Variants in IMPG1 observed in about 807,000 individuals in gnomAD.
IMPG1 encodes the protein interphotoreceptor matrix proteoglycan 1, also known as interphotoreceptor matrix proteoglycan of 150 kDa.
Under a neutral mutation model 92.0 loss-of-function variants are expected in IMPG1, and 85 were observed. The ratio of observed to expected loss-of-function variants is 0.92; its 90% CI spans 0.78 to 1.11. The LOEUF is 1.11. IMPG1 is among the 50% of genes least tolerant of loss of function. The pLI is 0.00. For synonymous variants in IMPG1, 367 were observed against 334.1 expected, an observed-to-expected ratio of 1.10 and a Z score of -1.08; for missense variants, 1,022 against 956.0, an observed-to-expected ratio of 1.07 and a Z score of -0.91.
intron 12 of IMPG1, among the ~76,000 whole-genome samples, chr6:75,992,094 C>T (rs1461248613): frequency 6.6e-6 from 1 of 152,186 alleles, no homozygotes; most frequent in East Asian, 1.9e-4. Flanking sequence ...TAGCTAAAGG[C>T]CTCAATAGGA....
At chr6:75,923,755 C>G (rs1781471942) in intron 15 of IMPG1, 49 bp from the exon 16 acceptor site, 1 of 1,028,590 alleles carries the variant, frequency 9.7e-7, no homozygotes, top group African/African-American at 1.6e-5. Flanking sequence ...GGCTTATCAA[C>G]ATTAATAGTA....
At chr6:75,999,349 A>G (rs1026345709) in intron 12 of IMPG1, among the ~76,000 whole-genome samples, 1 of 152,214 alleles carries the variant, frequency 6.6e-6, no homozygotes, top group Non-Finnish European at 1.5e-5. Context: ...TGAAGCTGAA[A>G]GATTTCTTTG....
rs545166906 is a variant in IMPG1 at position 76,048,003 on chromosome 6, A to G, written c.68-5877T>C. ...TTTAGTACAATCTGCATTCCCAGACACTTTCAATCTTTCCATAAGTAAATA... is the reference window on the plus strand; with the variant it reads ...TTTAGTACAATCTGCATTCCCAGACGCTTTCAATCTTTCCATAAGTAAATA... On this transcript the variant is annotated intron_variant, in intron 1 of 16. Coordinates refer to ENST00000369950, the MANE Select transcript of IMPG1 (RefSeq NM_001563.4). Among the ~76,000 whole-genome samples, 76 of 152,318 alleles carry G rather than the reference A, an allele frequency of 5.0e-4. 1 individual carries two copies. Among genetic ancestry groups the G allele is most frequent in the Non-Finnish European group, 6.6e-4 (45 of 68,028 alleles).
At chr6:75,939,365 A>G (rs1446900184) in intron 14 of IMPG1, among the ~76,000 whole-genome samples, 2 of 151,118 alleles carry the variant, frequency 1.3e-5, no homozygotes, top group African/African-American at 4.9e-5. Flanking sequence ...CCCACCCCAC[A>G]ACAGGCCCCG....
At chr6:75,959,903 A>C (rs1203935411) in intron 12 of IMPG1, among the ~76,000 whole-genome samples, 1 of 152,042 alleles carries the variant, frequency 6.6e-6, no homozygotes, top group Non-Finnish European at 1.5e-5. Flanking sequence ...TCCAGGCAAC[A>C]CTTTGGTATG....
chr6:76,033,481 CAT>C (rs1207852781), intron 4 of IMPG1, among the ~76,000 whole-genome samples: 2 of 152,196 alleles, frequency 1.3e-5, no homozygotes, highest in African/African-American at 4.8e-5. Flanking sequence ...ATATTTCAGA[CAT>C]AAATCTAACA....
At chr6:76,011,831 C>A (rs917962867) in intron 7 of IMPG1, among the ~76,000 whole-genome samples, 20 of 145,654 alleles carry the variant, frequency 1.4e-4, no homozygotes, top group African/African-American at 5.1e-4. Flanking sequence ...TGAGAATATG[C>A]GGTGTTTGGT....
chr6:76,026,360 G>A lies in IMPG1; in HGVS notation c.498-1102C>T, dbSNP rs768054504. On this transcript the variant is annotated intron_variant, in intron 4 of 16. Coordinates refer to ENST00000369950, the MANE Select transcript of IMPG1 (RefSeq NM_001563.4). ...GTGAAATGGGGACTCAAATCCTCTC[G>A]CTGTTGCTTCTAAGCCTTTTCATCC... Among the ~76,000 whole-genome samples, 6 of 152,292 alleles carry A rather than the reference G, an allele frequency of 3.9e-5. No individual in the cohort carries two copies. In the East Asian group the frequency reaches 9.7e-4, roughly 25 times the overall value.
chr6:76,068,516 T>C (rs1784350010), intron 1 of IMPG1, among the ~76,000 whole-genome samples: 1 of 148,222 alleles, frequency 6.7e-6, no homozygotes. Context: ...CATACTTTTT[T>C]TTTTTTTTTT....
intron 4 of IMPG1, among the ~76,000 whole-genome samples, chr6:76,030,023 G>A (rs540293495): frequency 1.3e-5 from 2 of 152,236 alleles, no homozygotes; most frequent in Non-Finnish European, 2.9e-5. Flanking sequence ...AAATTACAAC[G>A]GAGGTTAAAA....
intron 2 of IMPG1, 60 bp from the exon 3 acceptor site, chr6:76,034,847 CAA>C (rs1182453407): frequency 2.2e-5 from 32 of 1,426,284 alleles, no homozygotes; most frequent in Non-Finnish European, 3.1e-5. Context: ...CAATCCCAAG[CAA>C]AGTCTAATAA....
At chr6:76,072,021 CT>C (rs966194361) in intron 1 of IMPG1, among the ~76,000 whole-genome samples, 1 of 151,790 alleles carries the variant, frequency 6.6e-6, no homozygotes, top group Non-Finnish European at 1.5e-5. Context: ...GAAATACTTA[CT>C]TTTTTTTGTC....
In IMPG1 at chr6:76,011,258, T is replaced by C. The variant is rs746359485; in HGVS notation, c.808-34A>G. 3.4e-6 allele frequency: 4 copies of C among 1,169,782 alleles called. No individual in the cohort carries two copies. In the South Asian group the frequency reaches 3.8e-5, roughly 11 times the overall value. The allele number at this position is 1,169,782 out of a possible 1,614,324, so 72.5% of individuals were successfully genotyped here. A position where few individuals can be genotyped will look rare whatever the true frequency, so the allele number is the denominator to read the frequency against. On this transcript the variant is annotated intron_variant, in intron 7 of 16. Transcript: ENST00000369950. ...AGAAAGAAATTTGTAAAATACTCTT[T>C]GGTTCTGCTGGGTCAGTTCTTGCCT...
At chr6:76,025,887 T>C (rs572795461) in intron 4 of IMPG1, among the ~76,000 whole-genome samples, 2 of 152,160 alleles carry the variant, frequency 1.3e-5, no homozygotes, top group African/African-American at 4.8e-5. Context: ...GGTAGAGCTA[T>C]TTGTGTATAA....
In IMPG1 at chr6:75,950,694, C is replaced by A; in HGVS notation, c.1692G>T (p.Met564Ile). ...SALQYITTSSMTIAPKGRELV... is the reference protein window; with the variant it reads ...SALQYITTSSITIAPKGRELV... ...GCTCTCGGCCCTTGGGGGCAATGGTCATAGAACTAGTGGTGATATACTGTA... is the reference window on the plus strand; with the variant it reads ...GCTCTCGGCCCTTGGGGGCAATGGTAATAGAACTAGTGGTGATATACTGTA... The change falls in exon 13 of 17, where the codon ATG becomes ATT. Residue 564 changes from methionine to isoleucine, a missense_variant. Physicochemically the swap from Met to Ile is conservative, Grantham distance 10. Around this residue, in one of 3 missense-constraint regions of IMPG1, gnomAD observed 332 missense variants for 346.2 expected, o/e 0.96. Transcript: ENST00000369950. The A allele has an allele frequency of 6.2e-7, 1 of 1,613,872 alleles. No individual in the cohort carries two copies. Among genetic ancestry groups the A allele is most frequent in the South Asian group, 1.1e-5 (1 of 91,020 alleles).
intron 4 of IMPG1, among the ~76,000 whole-genome samples, chr6:76,032,338 G>A (rs1490992692): frequency 6.6e-6 from 1 of 151,910 alleles, no homozygotes; most frequent in African/African-American, 2.4e-5. Flanking sequence ...AATCAGTAAA[G>A]TATTATCCTA....
At chr6:76,013,928 T>C (rs1469142259) in intron 7 of IMPG1, among the ~76,000 whole-genome samples, 1 of 152,234 alleles carries the variant, frequency 6.6e-6, no homozygotes, top group Non-Finnish European at 1.5e-5. Flanking sequence ...CTTCTAATTA[T>C]ATACATATTT....
intron 12 of IMPG1, among the ~76,000 whole-genome samples, chr6:75,956,584 C>T (rs11963255): frequency 0.048 from 7,311 of 152,026 alleles, 189 homozygotes; most frequent in East Asian, 0.1. Flanking sequence ...TTTCATGTCT[C>T]TATCTTCTTC....
At chr6:75,984,873 G>A (rs2149470940) in intron 12 of IMPG1, among the ~76,000 whole-genome samples, 1 of 152,248 alleles carries the variant, frequency 6.6e-6, no homozygotes, top group Non-Finnish European at 1.5e-5. Context: ...CTCTTGCCAT[G>A]TGACATGCTT....
Sources: allele counts gnomAD v4.1 joint callset (sites outside exome capture counted in the v4.1 genomes callset), GRCh38; gene constraint gnomAD v4.1.1; regional missense constraint gnomAD v4.1.1; transcripts MANE v1.5; gene names NCBI Gene and HGNC (gene_info 2026-07-23, HGNC 2026-07-21).